Variants in WWOX observed in about 807,000 individuals in gnomAD.
WWOX encodes WW domain containing oxidoreductase.
In WWOX, 69 loss-of-function variants were observed where a neutral mutation model predicts 46.2. The ratio of observed to expected loss-of-function variants is 1.49; its 90% confidence interval spans 1.23 to 1.82. The LOEUF is 1.82. Ranked by LOEUF, WWOX falls within the 40% of genes most tolerant of loss-of-function variation. WWOX has a pLI of 0.00. For missense variants in WWOX, 919 were observed against 542.6 expected, an observed-to-expected ratio of 1.69 and a Z score of -6.89; for synonymous variants, 359 against 202.6, an observed-to-expected ratio of 1.77 and a Z score of -6.56.
At chr16:78,936,221 C>G (rs183085075) in intron 8 of WWOX, among the ~76,000 whole-genome samples, 8 of 152,200 alleles carry the variant, frequency 5.3e-5, no homozygotes, top group African/African-American at 1.7e-4. Context: ...TAATGGTTGA[C>G]TTTTGGTATT....
intron 8 of WWOX, among the ~76,000 whole-genome samples, chr16:78,969,526 C>T (rs573116915): frequency 6.6e-6 from 1 of 152,182 alleles, no homozygotes; most frequent in Non-Finnish European, 1.5e-5. Context: ...CCGCCTCAGC[C>T]TCCCAAAGTG....
intron 8 of WWOX, among the ~76,000 whole-genome samples, chr16:78,510,523 T>C (rs1173023914): frequency 1.3e-5 from 2 of 152,130 alleles, no homozygotes; most frequent in African/African-American, 4.8e-5. Flanking sequence ...CTTTCATCTT[T>C]CTGATTAACT....
At chr16:78,810,814 C>A (rs912205157) in intron 8 of WWOX, among the ~76,000 whole-genome samples, 1 of 152,102 alleles carries the variant, frequency 6.6e-6, no homozygotes, top group Non-Finnish European at 1.5e-5. Context: ...AAAAAAAACT[C>A]CCTAAAAAAG....
intron 8 of WWOX, among the ~76,000 whole-genome samples, chr16:78,447,988 G>C (rs1457060901): frequency 1.3e-5 from 2 of 151,970 alleles, no homozygotes; most frequent in African/African-American, 2.4e-5. Context: ...ATTTTTAGTG[G>C]AGACAGGGTT....
intron 8 of WWOX, among the ~76,000 whole-genome samples, chr16:78,818,253 C>T (rs530452277): frequency 6.6e-6 from 1 of 152,214 alleles, no homozygotes. Flanking sequence ...GAGACCTGGG[C>T]TGCACATCAG....
chr16:78,581,191 A>G (rs1410147958), intron 8 of WWOX, among the ~76,000 whole-genome samples: 4 of 152,206 alleles, frequency 2.6e-5, no homozygotes, highest in Non-Finnish European at 5.9e-5. Context: ...CTGATCTTAT[A>G]AAGGAAAAAG....
At chr16:78,778,410 A>T (rs951400268) in intron 8 of WWOX, among the ~76,000 whole-genome samples, 1 of 152,188 alleles carries the variant, frequency 6.6e-6, no homozygotes, top group African/African-American at 2.4e-5. Flanking sequence ...ATATGCCGGT[A>T]TTGACATAAT....
intron 8 of WWOX, among the ~76,000 whole-genome samples, chr16:78,624,469 T>A (rs1038119243): frequency 2.0e-5 from 3 of 152,200 alleles, no homozygotes; most frequent in African/African-American, 7.2e-5. Flanking sequence ...TATTTCCCAC[T>A]TGCAATAAGA....
intron 8 of WWOX, among the ~76,000 whole-genome samples, chr16:79,189,799 A>AGG (rs949467320): frequency 6.7e-6 from 1 of 149,066 alleles, no homozygotes; most frequent in African/African-American, 2.5e-5. Flanking sequence ...TCCCGGTGGG[A>AGG]GGGGGGGGAT....
At chr16:78,448,143 T>C (rs1038639225) in intron 8 of WWOX, among the ~76,000 whole-genome samples, 1 of 152,164 alleles carries the variant, frequency 6.6e-6, no homozygotes, top group Non-Finnish European at 1.5e-5. Context: ...ACAACGGCCC[T>C]GCTCTCATTA....
At chr16:79,123,216 A>G (rs913921992) in intron 8 of WWOX, among the ~76,000 whole-genome samples, 1 of 152,108 alleles carries the variant, frequency 6.6e-6, no homozygotes, top group Non-Finnish European at 1.5e-5. Context: ...CACCACATGA[A>G]TAAAGCATGA....
At chr16:79,057,338 C>T (rs1057246909) in intron 8 of WWOX, among the ~76,000 whole-genome samples, 1 of 152,186 alleles carries the variant, frequency 6.6e-6, no homozygotes, top group Non-Finnish European at 1.5e-5. Flanking sequence ...AATTTGGATG[C>T]AATTGCCCCC....
At chr16:79,119,595 A>G (rs1040786782) in intron 8 of WWOX, among the ~76,000 whole-genome samples, 3 of 152,234 alleles carry the variant, frequency 2.0e-5, no homozygotes, top group African/African-American at 2.4e-5. Flanking sequence ...CAACAAGGCA[A>G]CTAAGGCATG....
At chr16:78,955,438 C>T (rs1413569181) in intron 8 of WWOX, among the ~76,000 whole-genome samples, 1 of 152,022 alleles carries the variant, frequency 6.6e-6, no homozygotes, top group Admixed American at 6.6e-5. Flanking sequence ...AGAGCTTGGG[C>T]CAAAAGAGAT....
At chr16:78,848,200 T>C (rs904354517) in intron 8 of WWOX, among the ~76,000 whole-genome samples, 2 of 152,198 alleles carry the variant, frequency 1.3e-5, no homozygotes, top group Non-Finnish European at 2.9e-5. Flanking sequence ...CAAATGCCAA[T>C]GAATTAGAGT....
chr16:78,918,753 C>T (rs1307330884), intron 8 of WWOX, among the ~76,000 whole-genome samples: 1 of 152,142 alleles, frequency 6.6e-6, no homozygotes, highest in Admixed American at 6.5e-5. Context: ...TCAGAAATTC[C>T]AGAATTAATG....
intron 8 of WWOX, among the ~76,000 whole-genome samples, chr16:78,928,207 T>TC (rs1034795619): frequency 6.7e-6 from 1 of 149,924 alleles, no homozygotes; most frequent in Non-Finnish European, 1.5e-5. Flanking sequence ...ACTTTTCTTT[T>TC]TTTTTTTTTT....
At chr16:78,593,452 G>C (rs965049211) in intron 8 of WWOX, among the ~76,000 whole-genome samples, 9 of 152,114 alleles carry the variant, frequency 5.9e-5, no homozygotes, top group Admixed American at 1.3e-4. Flanking sequence ...TTCCTCTTCA[G>C]GATTGATCAC....
chr16:78,359,583 T>A (rs950569011), intron 5 of WWOX, among the ~76,000 whole-genome samples: 8 of 152,226 alleles, frequency 5.3e-5, no homozygotes, highest in Non-Finnish European at 1.2e-4. Context: ...CAGCATCTTA[T>A]AGCTTATGAG....
Sources: gnomAD v4.1 joint callset for allele counts (sites outside exome capture counted in the v4.1 genomes callset) on GRCh38, gnomAD v4.1.1 for gene constraint, MANE v1.5 for transcripts, NCBI Gene and HGNC (gene_info 2026-07-23, HGNC 2026-07-21) for gene names.